The following PPFIA3 variants were observed in gnomAD, a reference collection of about 807,000 sequenced individuals.
PPFIA3 encodes the protein liprin-alpha-3.
PPFIA3 carries 26 observed loss-of-function variants against 145.8 expected under a neutral mutation model. That is an observed-to-expected ratio of 0.18 (90% CI 0.13 to 0.25). The LOEUF is 0.25. Ranked by LOEUF, PPFIA3 falls within the 10% of genes least tolerant of loss-of-function variation. PPFIA3 has a pLI of 1.00. For synonymous variants in PPFIA3, 645 were observed against 661.4 expected, an observed-to-expected ratio of 0.98 and a Z score of 0.38; for missense variants, 1,008 against 1,587.8, an observed-to-expected ratio of 0.63 and a Z score of 6.21.
intron 21 of PPFIA3, among the ~76,000 whole-genome samples, chr19:49,144,609 G>A (rs888653483): frequency 6.6e-6 from 1 of 152,060 alleles, no homozygotes; most frequent in Non-Finnish European, 1.5e-5. Flanking sequence ...AGCTACTCAG[G>A]AGGCTGAGGT....
intron 1 of PPFIA3, among the ~76,000 whole-genome samples, chr19:49,125,850 C>T (rs113843832): frequency 7.9e-5 from 12 of 151,596 alleles, no homozygotes; most frequent in African/African-American, 2.7e-4. Flanking sequence ...CTGAGGGAGG[C>T]GGGAGCTAGT....
At position 49,133,433 on chromosome 19, in the gene PPFIA3, G is replaced by A. The variant is rs2041099282; in HGVS notation, c.1161+62G>A. 2 of 1,498,108 alleles carry A rather than the reference G, an allele frequency of 1.3e-6. No homozygotes were observed. The highest frequency in any genetic ancestry group is 1.8e-6 in the Non-Finnish European group (2 of 1,127,178). 92.8% of individuals were successfully genotyped at this position (1,498,108 alleles called of 1,614,324 possible). On this transcript the variant is annotated intron_variant, in intron 9 of 29. Coordinates refer to ENST00000334186, the MANE Select transcript of PPFIA3 (RefSeq NM_003660.4). This position sits in a 1 kb window ranked among gnomAD's most constrained non-coding sequence, Gnocchi z 7.2. ...AAGGGGTGGGGCCTAGAGGAGGCGG[G>A]GCCGTGAATCTGGAGGGGTAGGAGC...
intron 15 of PPFIA3, 57 bp downstream of exon 15, chr19:49,136,968 C>T (rs376565220): frequency 7.1e-7 from 1 of 1,410,014 alleles, no homozygotes; most frequent in Non-Finnish European, 9.4e-7. Flanking sequence ...CTCCACAGCC[C>T]TTCTGGCTCT....
rs200757575 is a variant in PPFIA3, at chr19:49,148,094, T to C, written c.2847T>C (p.Tyr949=). 163 of 1,612,718 alleles carry C rather than the reference T, an allele frequency of 1.0e-4. No homozygotes were observed. Among genetic ancestry groups the C allele is most frequent in the Non-Finnish European group, 1.1e-4 (132 of 1,179,216 alleles). Residue 949 remains tyrosine (Y), a synonymous_variant, in exon 24 of 30, where the codon TAT becomes TAC. Coordinates refer to ENST00000334186, the MANE Select transcript of PPFIA3 (RefSeq NM_003660.4). ...KEISWEQILA[Y]GDMNHEWVGN... is the part of the protein sequence containing the mutation. ...GCCCATGGCCCCAGATCCTGGCATA[T>C]GGCGACATGAACCACGAGTGGGTGG...
At position 49,139,743 on chromosome 19, in the gene PPFIA3, A is replaced by G; in HGVS notation, c.2152A>G (p.Thr718Ala). 1 of 1,613,060 alleles carries G rather than the reference A, an allele frequency of 6.2e-7. No individual in the cohort carries two copies. The highest frequency in any genetic ancestry group is 8.5e-7 in the Non-Finnish European group (1 of 1,179,674). The change falls in exon 17 of 30, where the codon ACT becomes GCT. Residue 718 changes from threonine to alanine, a missense_variant. Coordinates refer to ENST00000334186, the MANE Select transcript of PPFIA3 (RefSeq NM_003660.4). ...CATCCCAGGAGACACCCCACCACCC[A>G]CTCCCCGCTCTGCCCGTCTTGAGAG... The part of the protein sequence containing the change: ...PAIPGDTPPP[T>A]PRSARLERMT...
Position 49,149,250 on chromosome 19 carries a change from T to A in PPFIA3, c.3286-7T>A. 6.2e-7 allele frequency: 1 copy of A among 1,614,212 alleles called. No individual in the cohort carries two copies. Among genetic ancestry groups the A allele is most frequent in the Non-Finnish European group, 8.5e-7 (1 of 1,180,042 alleles). On this transcript the variant is annotated splice_polypyrimidine_tract_variant and splice_region_variant and intron_variant, in intron 26 of 29. Transcript: ENST00000334186. This position sits in a 1 kb window ranked among gnomAD's most constrained non-coding sequence, Gnocchi z 5.7. ...CTCCAACCGCCCCCTCCACCTCCTC[T>A]TTCCAGGCCCGGCAGCTTCTGGAGA...
chr19:49,146,315 G>T, intron 23 of PPFIA3, 123 bp downstream of exon 23: 1 of 1,284,376 alleles, frequency 7.8e-7, no homozygotes. Context: ...GGGGGGCGCT[G>T]CGCCAAGCTT....
intron 7 of PPFIA3, among the ~76,000 whole-genome samples, chr19:49,131,721 C>T (rs2041075184): frequency 6.6e-6 from 1 of 151,760 alleles, no homozygotes; most frequent in African/African-American, 2.4e-5. Context: ...ACTAGAGAGG[C>T]TGAGGCATGC....
intron 23 of PPFIA3, among the ~76,000 whole-genome samples, chr19:49,147,062 G>A (rs6509418): frequency 0.4 from 61,200 of 152,002 alleles, 12,758 homozygotes; most frequent in African/African-American, 0.47. Context: ...TTGTGCTGAT[G>A]CTGAAAGGAG....
At chr19:49,136,148 A>G (rs2041134522) in intron 14 of PPFIA3, among the ~76,000 whole-genome samples, 1 of 152,104 alleles carries the variant, frequency 6.6e-6, no homozygotes, top group South Asian at 2.1e-4. Flanking sequence ...TAATCATGGG[A>G]CAGGGAGGGG....
In PPFIA3 at chr19:49,144,860, T is replaced by G. The variant is rs1298954870; in HGVS notation, c.2746-1083T>G. On this transcript the variant is annotated intron_variant, in intron 21 of 29. Transcript: ENST00000334186. ...CTTTAGTGGGTCTTTTTCTTCCTTG[T>G]AAACACCACATCCTTTATCACACCT... Among the ~76,000 whole-genome samples the G allele has an allele frequency of 7.2e-5, 11 of 152,268 alleles. No homozygotes were observed. In the East Asian group the frequency reaches 1.9e-3, roughly 27 times the overall value.
chr19:49,150,637 T>A lies in PPFIA3; in HGVS notation c.*415T>A, dbSNP rs1444348117. ...GTCGCGGGGCCCAAGTCTTCCTTCT[T>A]CGTCCGAAAGGAGGGGAGGGGGGAC... On this transcript the variant is annotated 3_prime_UTR_variant, in exon 30 of 30. Coordinates refer to ENST00000334186, the MANE Select transcript of PPFIA3 (RefSeq NM_003660.4). 6.5e-6 allele frequency: 1 copy of A among 153,892 alleles called. No individual in the cohort carries two copies. Among genetic ancestry groups the A allele is most frequent in the Non-Finnish European group, 1.4e-5 (1 of 69,000 alleles). 9.5% of individuals were successfully genotyped at this position (153,892 alleles called of 1,614,324 possible).
intron 24 of PPFIA3, among the ~76,000 whole-genome samples, 153 bp downstream of exon 24, chr19:49,148,411 C>G (rs1163920446): frequency 6.6e-6 from 1 of 152,190 alleles, no homozygotes; most frequent in Non-Finnish European, 1.5e-5. Context: ...CTCCTTTCAC[C>G]AATGAGATGG....
chr19:49,133,972 G>C lies in PPFIA3; in HGVS notation c.1246-62G>C. On this transcript the variant is annotated intron_variant, in intron 10 of 29. Coordinates refer to ENST00000334186, the MANE Select transcript of PPFIA3 (RefSeq NM_003660.4). This position sits in a 1 kb window ranked among gnomAD's most constrained non-coding sequence, Gnocchi z 7.2. The stretch of plus-strand genomic sequence containing the variant: ...GGGCTGGGCCCGGGGGTGGGGCTTA[G>C]AGGAAGGGCCGTGGTCTGGGCAGGG... 1 of 1,605,080 alleles carries C rather than the reference G, an allele frequency of 6.2e-7. No homozygotes were observed. Among genetic ancestry groups the C allele is most frequent in the Non-Finnish European group, 8.5e-7 (1 of 1,175,398 alleles).
chr19:49,149,671 G>T lies in PPFIA3; in HGVS notation c.3479G>T (p.Gly1160Val). The change falls in exon 28 of 30, where the codon GGA becomes GTA. Residue 1160 changes from glycine to valine, a missense_variant. Coordinates refer to ENST00000334186, the MANE Select transcript of PPFIA3 (RefSeq NM_003660.4). This position sits in a 1 kb window ranked among gnomAD's most constrained non-coding sequence, Gnocchi z 5.7. ...CCCAACTTTCGTTCGGCTGCAGCGGGAGCCCTGGGCTCTCCGGGGCTCCCT... is the reference window on the plus strand; with the variant it reads ...CCCAACTTTCGTTCGGCTGCAGCGGTAGCCCTGGGCTCTCCGGGGCTCCCT... ...LPPNFRSAAA[G>V]ALGSPGLPLR... The T allele has an allele frequency of 6.2e-7, 1 of 1,613,958 alleles. No individual in the cohort carries two copies. The highest frequency in any genetic ancestry group is 8.5e-7 in the Non-Finnish European group (1 of 1,179,956).
intron 7 of PPFIA3, 137 bp from the exon 8 acceptor site, chr19:49,132,863 TC>T (rs2041091642): frequency 9.0e-7 from 1 of 1,107,318 alleles, no homozygotes; most frequent in Non-Finnish European, 1.3e-6. Context: ...GATGGGCTAG[TC>T]CTGGGAGCTC....
chr19:49,147,222 G>A (rs1453950128), intron 23 of PPFIA3, among the ~76,000 whole-genome samples: 2 of 152,134 alleles, frequency 1.3e-5, no homozygotes, highest in Non-Finnish European at 2.9e-5. Context: ...GTTTAGTGAC[G>A]TTGGACTGCA....
rs569170543 is a variant in PPFIA3 at position 49,130,943 on chromosome 19, C to T, written c.879+344C>T. On this transcript the variant is annotated intron_variant, in intron 7 of 29. Coordinates refer to ENST00000334186, the MANE Select transcript of PPFIA3 (RefSeq NM_003660.4). The surrounding 1 kb of genome is among the most constrained non-coding windows in gnomAD (Gnocchi z 4.5). ...GTGGCGTGATCTTGGCTTACTGCCA[C>T]CTCTGCCTCCCGGGTTCAAGAGATT... is the stretch of plus-strand genomic sequence containing the variant. Among the ~76,000 whole-genome samples, 1 of 151,768 alleles carries T rather than the reference C, an allele frequency of 6.6e-6. No individual in the cohort carries two copies. Among genetic ancestry groups the T allele is most frequent in the East Asian group, 1.9e-4 (1 of 5,172 alleles).
intron 1 of PPFIA3, among the ~76,000 whole-genome samples, chr19:49,123,166 C>T (rs1436629494): frequency 1.3e-5 from 2 of 151,808 alleles, no homozygotes; most frequent in Non-Finnish European, 2.9e-5. Flanking sequence ...ATAGCTGGGA[C>T]TACAGGCACA....
Sources: gnomAD v4.1 joint callset for allele counts (sites outside exome capture counted in the v4.1 genomes callset) on GRCh38, gnomAD v4.1.1 for gene constraint, Gnocchi (gnomAD v3.1) non-coding constraint, MANE v1.5 for transcripts, NCBI Gene and HGNC (gene_info 2026-07-23, HGNC 2026-07-21) for gene names.